CMSS1: variants seen among roughly 807,000 people sequenced by gnomAD.
CMSS1 encodes the protein cms1 ribosomal small subunit homolog, also known as protein CMSS1.
CMSS1 carries 33 observed loss-of-function variants against 43.5 expected under a neutral mutation model. That is an observed-to-expected ratio of 0.76 (90% CI 0.57 to 1.01). CMSS1 has a LOEUF of 1.01. Among genes scored for constraint, CMSS1 ranks in the 50% least tolerant of loss-of-function variants. The pLI, the probability that CMSS1 is intolerant of heterozygous loss-of-function variation, is 0.00. For synonymous variants in CMSS1, 115 were observed against 117.2 expected (o/e 0.98, Z 0.12); for missense variants, 313 against 326.4 (o/e 0.96, Z 0.32).
At chr3:100,161,171 G>T (rs1434043704) in intron 3 of CMSS1, among the ~76,000 whole-genome samples, 1 of 152,158 alleles carries the variant, frequency 6.6e-6, no homozygotes, top group Non-Finnish European at 1.5e-5. Flanking sequence ...AGTCAGCCGA[G>T]GAAATACGAT....
rs144944014 is a variant in CMSS1 at position 100,171,688 on chromosome 3, C to T, written c.519-151C>T. On this transcript the variant is annotated intron_variant, in intron 6 of 9. Coordinates refer to ENST00000421999, the MANE Select transcript of CMSS1 (RefSeq NM_032359.4). The stretch of plus-strand genomic sequence containing the variant: ...CACTCTCATTGCAAAGATTGGCTAA[C>T]CTGCAAATCTCAGAATTTGTATGTA... 4.3e-5 allele frequency: 27 copies of T among 633,730 alleles called. No homozygotes were observed. In the East Asian group the frequency reaches 7.2e-4, roughly 17 times the overall value. 39.3% of individuals were successfully genotyped at this position (633,730 alleles called of 1,614,324 possible).
At chr3:100,173,246 A>G (rs2107533071) in intron 8 of CMSS1, among the ~76,000 whole-genome samples, 1 of 152,318 alleles carries the variant, frequency 6.6e-6, no homozygotes, top group African/African-American at 2.4e-5. Context: ...TACAAATACC[A>G]ACAACTAACA....
intron 1 of CMSS1, among the ~76,000 whole-genome samples, chr3:99,828,574 C>G (rs193275422): frequency 1.9e-4 from 29 of 151,154 alleles, no homozygotes; most frequent in Admixed American, 1.6e-3. Context: ...CCTCTTCCTC[C>G]TAATTAGCTA....
In CMSS1 at chr3:100,179,531, G is replaced by GAATC. The variant is rs1319498541; in HGVS notation, c.*1144_*1147dup. ...TTTGAAACCCAGCAGGGCACTCTTT[G>GAATC]AATCTTAAAGCTCCAAAATAATCTT... On this transcript the variant is annotated 3_prime_UTR_variant, in exon 10 of 10. Coordinates refer to ENST00000421999, the MANE Select transcript of CMSS1 (RefSeq NM_032359.4). The GAATC allele has an allele frequency of 1.3e-5, 2 of 152,276 alleles. No individual in the cohort carries two copies. The highest frequency in any genetic ancestry group is 2.9e-5 in the Non-Finnish European group (2 of 68,082). 9.4% of individuals were successfully genotyped at this position (152,276 alleles called of 1,614,324 possible).
intron 1 of CMSS1, among the ~76,000 whole-genome samples, chr3:99,926,807 G>GT (rs1707306316): frequency 6.6e-6 from 1 of 152,102 alleles, no homozygotes; most frequent in South Asian, 2.1e-4. Context: ...GCTTTCCATT[G>GT]TTTTTTTCCC....
intron 1 of CMSS1, among the ~76,000 whole-genome samples, chr3:99,821,445 G>A (rs1942437983): frequency 6.6e-6 from 1 of 152,150 alleles, no homozygotes; most frequent in Admixed American, 6.5e-5. Flanking sequence ...AAGACAGCTG[G>A]GAGTTACAGT....
intron 1 of CMSS1, among the ~76,000 whole-genome samples, chr3:100,143,553 A>G (rs2066821408): frequency 6.6e-6 from 1 of 152,178 alleles, no homozygotes; most frequent in South Asian, 2.1e-4. Flanking sequence ...ACAAATGTTG[A>G]TTATATCCTA....
At chr3:100,111,955 A>C (rs958557840) in intron 1 of CMSS1, among the ~76,000 whole-genome samples, 2 of 152,212 alleles carry the variant, frequency 1.3e-5, no homozygotes, top group Non-Finnish European at 2.9e-5. Context: ...CTCTCTGTGC[A>C]GATTCCTACA....
At chr3:100,101,062 CT>C (rs796894438) in intron 1 of CMSS1, among the ~76,000 whole-genome samples, 34 of 152,230 alleles carry the variant, frequency 2.2e-4, no homozygotes, top group African/African-American at 8.2e-4. Context: ...ACCTTGACCA[CT>C]TTTGTACCTG....
intron 8 of CMSS1, among the ~76,000 whole-genome samples, chr3:100,174,828 G>A (rs2067136621): frequency 6.6e-6 from 1 of 152,146 alleles, no homozygotes; most frequent in Non-Finnish European, 1.5e-5. Flanking sequence ...TAATGAAGGG[G>A]ATTTTCTGAC....
intron 1 of CMSS1, among the ~76,000 whole-genome samples, chr3:99,857,845 G>C (rs1284433032): frequency 3.9e-5 from 6 of 152,098 alleles, no homozygotes; most frequent in African/African-American, 1.4e-4. Flanking sequence ...TGTAAATCTT[G>C]AATTTAATGT....
intron 1 of CMSS1, among the ~76,000 whole-genome samples, chr3:99,947,304 A>C (rs1708041426): frequency 6.6e-6 from 1 of 152,184 alleles, no homozygotes; most frequent in Non-Finnish European, 1.5e-5. Flanking sequence ...CTGTTATACT[A>C]TACATATTGT....
chr3:100,048,796 G>A lies in CMSS1; in HGVS notation c.65-98177G>A, dbSNP rs116630045. Reference sequence around the variant, plus strand: ...AACTAGCCCTAGGTTTTTCTCCTAGGACATTTTCTTTCTGCTTCTAAAATT... The same window carrying A: ...AACTAGCCCTAGGTTTTTCTCCTAGAACATTTTCTTTCTGCTTCTAAAATT... On this transcript the variant is annotated intron_variant, in intron 1 of 9. Transcript: ENST00000421999. Among the ~76,000 whole-genome samples, 683 of 152,020 alleles carry A rather than the reference G, an allele frequency of 4.5e-3. 7 individuals carry two copies. The highest frequency in any genetic ancestry group is 0.016 in the African/African-American group (669 of 41,452).
At chr3:100,165,547 T>G (rs1460446536) in intron 4 of CMSS1, among the ~76,000 whole-genome samples, 2 of 152,130 alleles carry the variant, frequency 1.3e-5, no homozygotes, top group Admixed American at 1.3e-4. Context: ...ACTTGACACT[T>G]TTTCCAGATA....
chr3:100,078,990 T>C (rs1200638495), intron 1 of CMSS1, among the ~76,000 whole-genome samples: 1 of 152,248 alleles, frequency 6.6e-6, no homozygotes, highest in Non-Finnish European at 1.5e-5. Flanking sequence ...GGGCCACATG[T>C]GGCCCACGTT....
At chr3:99,823,145 A>G (rs1029845610) in intron 1 of CMSS1, among the ~76,000 whole-genome samples, 3 of 152,220 alleles carry the variant, frequency 2.0e-5, no homozygotes, top group Non-Finnish European at 2.9e-5. Context: ...ATATATCATT[A>G]TGAAATTGTG....
intron 1 of CMSS1, chr3:99,849,096 C>A (rs1370436202): frequency 6.2e-7 from 1 of 1,614,152 alleles, no homozygotes; most frequent in South Asian, 1.1e-5. Flanking sequence ...GAATCCATAG[C>A]TTTCTGTTAA....
chr3:100,115,909 G>C (rs1211272245), intron 1 of CMSS1, among the ~76,000 whole-genome samples: 1 of 152,028 alleles, frequency 6.6e-6, no homozygotes. Context: ...TTGTCTCTAC[G>C]TTCCTTCAAT....
In CMSS1 at chr3:99,874,448, T is replaced by G. The variant is rs1025211952; in HGVS notation, c.64+56405T>G. 5 of 152,204 alleles carry G rather than the reference T, an allele frequency of 3.3e-5. No homozygotes were observed. In the East Asian group the frequency reaches 9.6e-4, roughly 29 times the overall value. 9.4% of individuals were successfully genotyped at this position (152,204 alleles called of 1,614,324 possible). ...TATTCTGTACTTCTCCACAGTGACATGGGTGTTGGCCCCGCTCTTCTCATT... is the reference window on the plus strand; with the variant it reads ...TATTCTGTACTTCTCCACAGTGACAGGGGTGTTGGCCCCGCTCTTCTCATT... On this transcript the variant is annotated intron_variant, in intron 1 of 9. Transcript: ENST00000421999.
Sources: gnomAD v4.1 joint callset for allele counts (sites outside exome capture counted in the v4.1 genomes callset) on GRCh38, gnomAD v4.1.1 for gene constraint, MANE v1.5 for transcripts, NCBI Gene and HGNC (gene_info 2026-07-23, HGNC 2026-07-21) for gene names.